ARHGAP42: variants seen among roughly 807,000 people sequenced by gnomAD.
ARHGAP42 encodes Rho GTPase activating protein 42, also known as rho GTPase-activating protein 42.
A neutral mutation model predicts 125.0 loss-of-function variants in ARHGAP42; 63 were observed. The observed-to-expected ratio is 0.50, with a 90% CI of 0.41 to 0.62. ARHGAP42 has a LOEUF of 0.62. Among genes scored for constraint, ARHGAP42 ranks in the 20% least tolerant of loss-of-function variants. The pLI is 0.00. For synonymous variants in ARHGAP42, 339 were observed against 351.0 expected (o/e 0.97, Z 0.38); for missense variants, 766 against 1,024.2 (o/e 0.75, Z 3.44).
At chr11:100,762,970 A>ATTTTTTTT (rs553749625) in intron 1 of ARHGAP42, among the ~76,000 whole-genome samples, 7 of 85,022 alleles carry the variant, frequency 8.2e-5, no homozygotes, top group Non-Finnish European at 1.3e-4. Context: ...GTTTATAGTG[A>ATTTTTTTT]TTTTTTTTTT....
chr11:100,755,283 C>T (rs1440707600), intron 1 of ARHGAP42, among the ~76,000 whole-genome samples: 1 of 152,218 alleles, frequency 6.6e-6, no homozygotes, highest in Non-Finnish European at 1.5e-5. Context: ...CTTTATTTAT[C>T]ATAAAAGTCA....
chr11:100,693,251 T>C (rs1334158100), intron 1 of ARHGAP42, among the ~76,000 whole-genome samples: 1 of 152,028 alleles, frequency 6.6e-6, no homozygotes, highest in South Asian at 2.1e-4. Context: ...GCTTGTGTAG[T>C]TGGGCAGCCT....
intron 2 of ARHGAP42, among the ~76,000 whole-genome samples, chr11:100,779,008 A>G (rs185619394): frequency 2.0e-5 from 3 of 152,174 alleles, no homozygotes; most frequent in African/African-American, 4.8e-5. Flanking sequence ...TCATATTCCT[A>G]TTCCTTCGTA....
chr11:100,977,045 T>C, intron 21 of ARHGAP42, 74 bp downstream of exon 21: 6 of 1,504,330 alleles, frequency 4.0e-6, no homozygotes, highest in Non-Finnish European at 5.4e-6. Flanking sequence ...GAAGAACTCT[T>C]GGGAATCCCA....
At chr11:100,788,012 T>C (rs1863476042) in intron 2 of ARHGAP42, among the ~76,000 whole-genome samples, 1 of 152,242 alleles carries the variant, frequency 6.6e-6, no homozygotes, top group African/African-American at 2.4e-5. Flanking sequence ...CTCAACTTGA[T>C]AAAAGTCTAG....
intron 6 of ARHGAP42, among the ~76,000 whole-genome samples, chr11:100,924,222 C>T (rs1867357794): frequency 2.0e-5 from 3 of 151,784 alleles, no homozygotes; most frequent in Non-Finnish European, 4.4e-5. Context: ...GTAAGATATC[C>T]AAAAGAAAAT....
In ARHGAP42 at chr11:100,909,946, A is replaced by G. The variant is rs775896069; in HGVS notation, c.385-3506A>G. 1.1e-3 allele frequency among the ~76,000 whole-genome samples: 161 copies of G among 152,306 alleles called. 2 individuals are homozygous for G. Among genetic ancestry groups the G allele is most frequent in the Non-Finnish European group, 2.8e-4 (19 of 68,036 alleles). ...AACCATAATTTTAAGAGCAAAGTTGACGCTTGGAGTTTGTGTTACAGTAGT... is the reference window on the plus strand; with the variant it reads ...AACCATAATTTTAAGAGCAAAGTTGGCGCTTGGAGTTTGTGTTACAGTAGT... On this transcript the variant is annotated intron_variant, in intron 4 of 23. Coordinates refer to ENST00000298815, the MANE Select transcript of ARHGAP42 (RefSeq NM_152432.4).
chr11:100,950,027 G>A, intron 12 of ARHGAP42, 71 bp downstream of exon 12: 2 of 943,176 alleles, frequency 2.1e-6, no homozygotes, highest in Non-Finnish European at 1.6e-6. Flanking sequence ...TTAGGTGATT[G>A]TAAGTATTCT....
chr11:100,719,213 ACTGT>A (rs1861716370), intron 1 of ARHGAP42, among the ~76,000 whole-genome samples: 1 of 152,254 alleles, frequency 6.6e-6, no homozygotes, highest in Non-Finnish European at 1.5e-5. Context: ...ACCACTAGAT[ACTGT>A]CTTTTTCTTT....
rs552081245 is a variant in ARHGAP42 at position 100,840,215 on chromosome 11, A to G, written c.313-19339A>G. ...ATTTCCTGCAAATGATGCGTCCCCT[A>G]CAAAGTAACGTCACAAAGCAGCTCT... On this transcript the variant is annotated intron_variant, in intron 3 of 23. Coordinates refer to ENST00000298815, the MANE Select transcript of ARHGAP42 (RefSeq NM_152432.4). Among the ~76,000 whole-genome samples the G allele has an allele frequency of 2.6e-5, 4 of 152,286 alleles. No homozygotes were observed. The South Asian group carries it at 8.3e-4, about 32-fold the overall frequency.
chr11:100,776,568 A>C (rs922177194), intron 2 of ARHGAP42, among the ~76,000 whole-genome samples: 13 of 152,212 alleles, frequency 8.5e-5, no homozygotes, highest in African/African-American at 2.9e-4. Context: ...TTTGGATCAA[A>C]CTATATTTTT....
chr11:100,791,962 T>C (rs1352341493), intron 2 of ARHGAP42, among the ~76,000 whole-genome samples: 2 of 152,228 alleles, frequency 1.3e-5, no homozygotes, highest in African/African-American at 4.8e-5. Context: ...AAATGAGAGC[T>C]TGTTTTCTTA....
chr11:100,984,251 C>T (rs967924678), intron 22 of ARHGAP42, among the ~76,000 whole-genome samples: 2 of 151,962 alleles, frequency 1.3e-5, no homozygotes, highest in Non-Finnish European at 2.9e-5. Context: ...TTTTGTCTTA[C>T]GCATTAACAT....
chr11:100,689,739 T>A (rs980046779), intron 1 of ARHGAP42, among the ~76,000 whole-genome samples: 2 of 152,220 alleles, frequency 1.3e-5, no homozygotes, highest in African/African-American at 4.8e-5. Context: ...GAGAGTGTAT[T>A]ACTTTAACTA....
chr11:100,969,494 G>A (rs893557042), intron 17 of ARHGAP42, among the ~76,000 whole-genome samples: 6 of 151,930 alleles, frequency 3.9e-5, no homozygotes, highest in African/African-American at 1.5e-4. Context: ...ATGCATTTAT[G>A]AGTGTGCTTA....
intron 1 of ARHGAP42, among the ~76,000 whole-genome samples, chr11:100,741,584 A>G (rs1862188273): frequency 6.6e-6 from 1 of 152,138 alleles, no homozygotes; most frequent in Non-Finnish European, 1.5e-5. Flanking sequence ...CACCCTGTAT[A>G]GTTACTGTAG....
intron 1 of ARHGAP42, among the ~76,000 whole-genome samples, chr11:100,718,335 G>A (rs1176925249): frequency 6.6e-6 from 1 of 152,134 alleles, no homozygotes; most frequent in Admixed American, 6.6e-5. Flanking sequence ...TGATACTAAG[G>A]TCAAGAAAGA....
intron 4 of ARHGAP42, among the ~76,000 whole-genome samples, chr11:100,889,154 G>A (rs2135188896): frequency 6.6e-6 from 1 of 152,290 alleles, no homozygotes; most frequent in South Asian, 2.1e-4. Context: ...TAAAGTGATT[G>A]TGCTGGACAA....
intron 12 of ARHGAP42, among the ~76,000 whole-genome samples, chr11:100,953,197 A>T (rs2135287915): frequency 6.6e-6 from 1 of 152,200 alleles, no homozygotes; most frequent in South Asian, 2.1e-4. Flanking sequence ...TTCAGTATGT[A>T]ACTTCTCCTG....
Sources: allele counts gnomAD v4.1 joint callset (sites outside exome capture counted in the v4.1 genomes callset), GRCh38; gene constraint gnomAD v4.1.1; transcripts MANE v1.5; gene names NCBI Gene and HGNC (gene_info 2026-07-23, HGNC 2026-07-21).